Variants in KAZN observed in about 807,000 individuals in gnomAD.
KAZN encodes kazrin, periplakin interacting protein, also known as kazrin.
KAZN carries 40 observed loss-of-function variants against 87.4 expected under a neutral mutation model. The observed-to-expected ratio is 0.46, with a 90% CI of 0.36 to 0.60. The LOEUF is 0.60. Among genes scored for constraint, KAZN ranks in the 20% least tolerant of loss-of-function variants. KAZN has a pLI of 0.00. For missense variants in KAZN, 898 were observed against 1,073.9 expected (o/e 0.84, Z 2.29); for synonymous variants, 466 against 458.3 (o/e 1.02, Z -0.22).
At chr1:14,929,337 T>G (rs1229304457) in intron 1 of KAZN, among the ~76,000 whole-genome samples, 1 of 152,236 alleles carries the variant, frequency 6.6e-6, no homozygotes, top group Non-Finnish European at 1.5e-5. Flanking sequence ...CTTATTTGGC[T>G]TTCTGAGTCA....
chr1:14,562,380 T>A (rs1236371982), intron 2 of KAZN, among the ~76,000 whole-genome samples: 1 of 152,150 alleles, frequency 6.6e-6, no homozygotes, highest in African/African-American at 2.4e-5. Flanking sequence ...TTGTAGACAT[T>A]TTGTAGCTTG....
rs570016740 is a variant in KAZN, at chr1:14,657,808, G to A, written c.226+58585G>A. ...AGGCTCTCAGCAGAAATTGTGGAAT[G>A]AATGAAATTCTCCCTGTCTCCTGCT... On this transcript the variant is annotated intron_variant, in intron 1 of 14. Transcript: ENST00000376030. 3.9e-5 allele frequency among the ~76,000 whole-genome samples: 6 copies of A among 152,276 alleles called. No homozygotes were observed. The South Asian group carries it at 1.2e-3, about 32-fold the overall frequency.
chr1:14,883,523 G>T (rs1449220819), intron 1 of KAZN, among the ~76,000 whole-genome samples: 2 of 146,914 alleles, frequency 1.4e-5, no homozygotes, highest in African/African-American at 2.7e-5. Flanking sequence ...GTGAGACCCT[G>T]GGTCACAGCC....
chr1:14,804,522 C>A (rs571189362), intron 1 of KAZN, among the ~76,000 whole-genome samples: 1 of 152,150 alleles, frequency 6.6e-6, no homozygotes, highest in African/African-American at 2.4e-5. Context: ...GGGAGATCTC[C>A]CACAAAACCC....
At position 14,721,901 on chromosome 1, in the gene KAZN, C is replaced by A. The variant is rs182195678; in HGVS notation, c.226+122678C>A. Among the ~76,000 whole-genome samples the A allele has an allele frequency of 3.2e-3, 494 of 152,242 alleles. 8 individuals carry two copies. The highest frequency in any genetic ancestry group is 0.011 in the African/African-American group (477 of 41,536). ...GGGTGCGGTGGCTCACACCTGTGAT[C>A]CCAGCACTTTGGGAGGCTGAGGCAA... is the stretch of plus-strand genomic sequence containing the variant. On this transcript the variant is annotated intron_variant, in intron 1 of 14. Transcript: ENST00000376030.
At chr1:14,675,378 C>T (rs1357718240) in intron 1 of KAZN, among the ~76,000 whole-genome samples, 1 of 152,256 alleles carries the variant, frequency 6.6e-6, no homozygotes, top group Non-Finnish European at 1.5e-5. Flanking sequence ...AGGAAATGAG[C>T]TCCAGGGCAC....
chr1:14,537,235 C>T (rs903273102), intron 2 of KAZN, among the ~76,000 whole-genome samples: 3 of 152,174 alleles, frequency 2.0e-5, no homozygotes, highest in Admixed American at 2.0e-4. Flanking sequence ...GGGAGCCATA[C>T]TCCTTCAGGA....
At position 14,447,441 on chromosome 1, in the gene KAZN, G is replaced by A. The variant is rs142211828; in HGVS notation, c.250-151542G>A. ...TTTTTAGTAGAGACGGGGTTTCACCGTGTTAGCCAGGATGGTCTCGATCTT... is the reference window on the plus strand; with the variant it reads ...TTTTTAGTAGAGACGGGGTTTCACCATGTTAGCCAGGATGGTCTCGATCTT... On this transcript the variant is annotated intron_variant, in intron 2 of 16. Transcript: ENST00000636203. 9.6e-3 allele frequency among the ~76,000 whole-genome samples: 1,462 copies of A among 151,738 alleles called. 20 individuals carry two copies. The highest frequency in any genetic ancestry group is 0.034 in the African/African-American group (1,387 of 41,330).
At chr1:14,532,161 A>G (rs1242211325) in intron 2 of KAZN, among the ~76,000 whole-genome samples, 2 of 152,100 alleles carry the variant, frequency 1.3e-5, no homozygotes, top group African/African-American at 4.8e-5. Context: ...TGGTTCACCC[A>G]TCCTGCTCTT....
At chr1:14,299,444 A>G (rs374686114) in intron 2 of KAZN, among the ~76,000 whole-genome samples, 7 of 151,922 alleles carry the variant, frequency 4.6e-5, no homozygotes, top group Admixed American at 1.3e-4. Context: ...CAGAGGTTGC[A>G]GTGAGCCGAG....
chr1:14,014,354 CA>C (rs140035865), intron 1 of KAZN, among the ~76,000 whole-genome samples: 14,612 of 151,990 alleles, frequency 0.096, 877 homozygotes, highest in Non-Finnish European at 0.14. Context: ...GCAGAGAAGA[CA>C]GAGTCCCCTG....
At chr1:15,050,294 G>A (rs1674251734) in intron 4 of KAZN, among the ~76,000 whole-genome samples, 1 of 152,180 alleles carries the variant, frequency 6.6e-6, no homozygotes, top group South Asian at 2.1e-4. Context: ...GCAGAACTCG[G>A]TCAGCGTTCA....
Position 15,056,406 on chromosome 1 carries a change from T to C in KAZN, c.916+126T>C. ...AGCTTGGGGGCGTGGGACAGAGACCTTGGGCTCATGTAACTGAAAAATCTA... is the reference window on the plus strand; with the variant it reads ...AGCTTGGGGGCGTGGGACAGAGACCCTGGGCTCATGTAACTGAAAAATCTA... On this transcript the variant is annotated intron_variant, in intron 5 of 14. Coordinates refer to ENST00000376030, the MANE Select transcript of KAZN (RefSeq NM_201628.3). This position sits in a 1 kb window ranked among gnomAD's most constrained non-coding sequence, Gnocchi z 5.4. 1 of 962,296 alleles carries C rather than the reference T, an allele frequency of 1.0e-6. No homozygotes were observed. 59.6% of individuals were successfully genotyped at this position (962,296 alleles called of 1,614,324 possible). A position where few individuals can be genotyped will look rare whatever the true frequency, so the allele number is the denominator to read the frequency against.
At chr1:14,168,729 G>A (rs12092197) in intron 1 of KAZN, among the ~76,000 whole-genome samples, 39,596 of 152,084 alleles carry the variant, frequency 0.26, 6,171 homozygotes, top group African/African-American at 0.43. Flanking sequence ...GAACCAGAGG[G>A]CCATAGAGCA....
chr1:14,517,398 G>A (rs192652195), intron 2 of KAZN, among the ~76,000 whole-genome samples: 4 of 152,246 alleles, frequency 2.6e-5, no homozygotes, highest in Admixed American at 2.6e-4. Flanking sequence ...AGAGCCCCTT[G>A]ATCCAGCCAC....
At chr1:15,008,656 T>A (rs1157700420) in intron 2 of KAZN, among the ~76,000 whole-genome samples, 2 of 152,238 alleles carry the variant, frequency 1.3e-5, no homozygotes, top group Non-Finnish European at 2.9e-5. Flanking sequence ...CTAGCCCTGG[T>A]ATCTGGCTCT....
chr1:13,982,668 A>G (rs905610169), intron 1 of KAZN, among the ~76,000 whole-genome samples: 2 of 152,240 alleles, frequency 1.3e-5, no homozygotes, highest in Admixed American at 1.3e-4. Context: ...TGCGTTTACA[A>G]TCCCTGAGCT....
chr1:15,082,636 G>A (rs755174944), intron 8 of KAZN, among the ~76,000 whole-genome samples: 2 of 152,176 alleles, frequency 1.3e-5, no homozygotes, highest in Non-Finnish European at 2.9e-5. Flanking sequence ...CGCCATGCAG[G>A]GTGGGCATAG....
At chr1:14,413,653 T>TA (rs1418653067) in intron 2 of KAZN, among the ~76,000 whole-genome samples, 2 of 149,722 alleles carry the variant, frequency 1.3e-5, no homozygotes, top group Non-Finnish European at 3.0e-5. Flanking sequence ...AGACTACCTT[T>TA]ATGACCTCTT....
Sources: allele counts gnomAD v4.1 joint callset (sites outside exome capture counted in the v4.1 genomes callset), GRCh38; gene constraint gnomAD v4.1.1; non-coding constraint Gnocchi (gnomAD v3.1); transcripts MANE v1.5; gene names NCBI Gene and HGNC (gene_info 2026-07-23, HGNC 2026-07-21).